Variants in HEATR3 observed in about 807,000 individuals in gnomAD.
HEATR3 encodes HEAT repeat containing 3, also known as HEAT repeat-containing protein 3.
A neutral mutation model predicts 72.8 loss-of-function variants in HEATR3; 56 were observed. That is an observed-to-expected ratio of 0.77 (90% CI 0.62 to 0.96). HEATR3 has a LOEUF of 0.96. Among genes scored for constraint, HEATR3 ranks in the 40% least tolerant of loss-of-function variants. HEATR3 has a pLI of 0.00. For synonymous variants in HEATR3, 331 were observed against 318.1 expected, an observed-to-expected ratio of 1.04 and a Z score of -0.43; for missense variants, 747 against 831.4, an observed-to-expected ratio of 0.90 and a Z score of 1.25.
intron 11 of HEATR3, among the ~76,000 whole-genome samples, chr16:50,093,769 A>G (rs1222746034): frequency 1.3e-5 from 2 of 152,178 alleles, no homozygotes; most frequent in Non-Finnish European, 2.9e-5. Flanking sequence ...CATGTGACGC[A>G]GGCTTCCTCA....
At chr16:50,083,875 TC>T in intron 7 of HEATR3, 61 bp from the exon 8 acceptor site, 2 of 1,472,730 alleles carry the variant, frequency 1.4e-6, no homozygotes, top group South Asian at 2.4e-5. Flanking sequence ...CTAAGGAAAT[TC>T]CCCAAAAACA....
At chr16:50,086,875 T>C (rs1240421932) in intron 11 of HEATR3, among the ~76,000 whole-genome samples, 1 of 152,100 alleles carries the variant, frequency 6.6e-6, no homozygotes, top group Non-Finnish European at 1.5e-5. Flanking sequence ...ATTGCAGTGA[T>C]CTGAGGTTGT....
intron 12 of HEATR3, among the ~76,000 whole-genome samples, chr16:50,098,592 C>T (rs1225517579): frequency 6.6e-6 from 1 of 151,882 alleles, no homozygotes; most frequent in East Asian, 1.9e-4. Context: ...GGAGGCGGAG[C>T]TTGCAGTGAG....
Position 50,100,240 on chromosome 16 carries a change from C to T in HEATR3, c.1610C>T (p.Pro537Leu). 1.9e-6 allele frequency: 3 copies of T among 1,613,750 alleles called. No homozygotes were observed. Among genetic ancestry groups the T allele is most frequent in the Non-Finnish European group, 2.5e-6 (3 of 1,179,856 alleles). ...ASKNISQCMT[P>L]DQLMTLCKAG... is the part of the protein sequence containing the mutation. ...CTTCTCTTTTAACAGTGCATGACTCCTGATCAGCTGATGACATTATGCAAA... is the reference window on the plus strand; with the variant it reads ...CTTCTCTTTTAACAGTGCATGACTCTTGATCAGCTGATGACATTATGCAAA... The change falls in exon 13 of 15, where the codon CCT becomes CTT. Residue 537 changes from proline (P) to leucine (L), a missense_variant. Physicochemically the swap from Pro to Leu is moderately conservative, Grantham distance 98 (BLOSUM62 -3). Coordinates refer to ENST00000299192, the MANE Select transcript of HEATR3 (RefSeq NM_182922.4).
At chr16:50,091,306 A>C (rs1240391340) in intron 11 of HEATR3, among the ~76,000 whole-genome samples, 1 of 151,676 alleles carries the variant, frequency 6.6e-6, no homozygotes, top group South Asian at 2.1e-4. Flanking sequence ...ATATCTACTA[A>C]AAATACAAAA....
At chr16:50,066,612 G>A in intron 2 of HEATR3, 73 bp downstream of exon 2, 1 of 1,222,572 alleles carries the variant, frequency 8.2e-7, no homozygotes, top group Non-Finnish European at 1.0e-6. Context: ...CGGTCGCAGC[G>A]GTCACCCAGC....
Position 50,105,041 on chromosome 16 carries a change from G to C in HEATR3, c.2023G>C (p.Glu675Gln). 1 of 1,611,858 alleles carries C rather than the reference G, an allele frequency of 6.2e-7. No homozygotes were observed. Among genetic ancestry groups the C allele is most frequent in the Non-Finnish European group, 8.5e-7 (1 of 1,179,504 alleles). ...RRFIAYQETVEKRLTS is the reference protein window; with the variant it reads ...RRFIAYQETVQKRLTS The stretch of plus-strand genomic sequence containing the variant: ...ATTTATTGCTTATCAAGAAACTGTT[G>C]AGAAAAGACTGACTTCTTAAACAAT... The change falls in exon 15 of 15, where the codon GAG becomes CAG. Residue 675 changes from glutamate to glutamine, a missense_variant. Physicochemically the swap from Glu to Gln is conservative, Grantham distance 29. Transcript: ENST00000299192.
At chr16:50,085,798 G>C (rs1002409746) in intron 10 of HEATR3, among the ~76,000 whole-genome samples, 14 of 152,112 alleles carry the variant, frequency 9.2e-5, no homozygotes, top group Admixed American at 5.9e-4. Flanking sequence ...GGAAGGTACA[G>C]GCAGGAGGAT....
chr16:50,077,325 T>G (rs2036757965), intron 6 of HEATR3, among the ~76,000 whole-genome samples: 1 of 52,888 alleles, frequency 1.9e-5, no homozygotes, highest in African/African-American at 5.6e-5. Context: ...TAATTTTTTG[T>G]ATTTTTTTTT....
At chr16:50,074,644 GAT>G (rs2036682996) in intron 5 of HEATR3, 2 of 151,476 alleles carry the variant, frequency 1.3e-5, no homozygotes, top group African/African-American at 4.8e-5. Flanking sequence ...CCGGCCTGAG[GAT>G]AAACTTTTAT....
At chr16:50,092,258 A>G (rs192773184) in intron 11 of HEATR3, among the ~76,000 whole-genome samples, 10 of 151,810 alleles carry the variant, frequency 6.6e-5, no homozygotes, top group African/African-American at 2.4e-4. Flanking sequence ...TGATTGCTTG[A>G]GCCCGGGAGG....
rs912885247 is a variant in HEATR3, at chr16:50,066,406, G to C, written c.178G>C (p.Ala60Pro). 6.5e-7 allele frequency: 1 copy of C among 1,542,872 alleles called. No homozygotes were observed. The highest frequency in any genetic ancestry group is 8.6e-7 in the Non-Finnish European group (1 of 1,156,326). ...PSAEVRECAC[A>P]GLARLVQQRP... ...CGCCGAGGTCCGCGAGTGCGCCTGC[G>C]CAGGGCTGGCCCGGCTGGTGCAGCA... The change falls in exon 2 of 15, where the codon GCA (alanine) becomes CCA (proline). Residue 60 changes from alanine (A) to proline (P), a missense_variant. By Grantham distance (27) the Ala-to-Pro change is conservative (BLOSUM62 -1). Coordinates refer to ENST00000299192, the MANE Select transcript of HEATR3 (RefSeq NM_182922.4).
At chr16:50,096,484 C>T (rs2037240731) in intron 12 of HEATR3, among the ~76,000 whole-genome samples, 1 of 151,884 alleles carries the variant, frequency 6.6e-6, no homozygotes, top group Non-Finnish European at 1.5e-5. Context: ...ATTCACATAC[C>T]ATGCAGTTTA....
Position 50,086,307 on chromosome 16 carries a change from A to G in HEATR3, c.1466A>G (p.Gln489Arg). The stretch of plus-strand genomic sequence containing the variant: ...CACCTGGGAGGAGCCGCAGCCCTTC[A>G]GACGCTTGCACAGCATCTGTCACAG... The part of the protein sequence containing the change: ...VEHLGGAAAL[Q>R]TLAQHLSQLL... Residue 489 changes from glutamine to arginine, a missense_variant, in exon 11 of 15, where the codon CAG (glutamine) becomes CGG (arginine). Gln to Arg is a conservative substitution (Grantham distance 43). This residue lies in a region of HEATR3 where 586 missense variants were observed against 708.8 expected (regional missense o/e 0.83). Transcript: ENST00000299192. 1 of 1,594,798 alleles carries G rather than the reference A, an allele frequency of 6.3e-7. No homozygotes were observed. Among genetic ancestry groups the G allele is most frequent in the South Asian group, 1.1e-5 (1 of 88,512 alleles).
intron 6 of HEATR3, 83 bp from the exon 7 acceptor site, chr16:50,078,658 T>TA (rs2036793347): frequency 7.2e-7 from 1 of 1,398,146 alleles, no homozygotes; most frequent in African/African-American, 1.4e-5. Context: ...ACACTGGCCT[T>TA]AAAAGCTCCA....
In HEATR3 at chr16:50,086,365, A is replaced by T. The variant is rs746147214; in HGVS notation, c.1510+14A>T. 4 of 1,601,858 alleles carry T rather than the reference A, an allele frequency of 2.5e-6. No individual in the cohort carries two copies. In the African/African-American group the frequency reaches 5.4e-5, roughly 22 times the overall value. ...TTTCTCAACCAGGTATTTAGACTTT[A>T]TTGCGAAAGACTACGCAGACGGAAC... is the stretch of plus-strand genomic sequence containing the variant. On this transcript the variant is annotated intron_variant, in intron 11 of 14. Coordinates refer to ENST00000299192, the MANE Select transcript of HEATR3 (RefSeq NM_182922.4).
chr16:50,090,152 T>C (rs1275232128), intron 11 of HEATR3, among the ~76,000 whole-genome samples: 2 of 152,088 alleles, frequency 1.3e-5, no homozygotes, highest in African/African-American at 2.4e-5. Flanking sequence ...CCCAAGAGTT[T>C]AAGACCAGCC....
chr16:50,077,075 T>C (rs1032157022), intron 6 of HEATR3, among the ~76,000 whole-genome samples: 17 of 151,960 alleles, frequency 1.1e-4, no homozygotes, highest in South Asian at 2.1e-4. Context: ...GGGGTTTCAC[T>C]GTGTTAGCCA....
rs1023058261 is a variant in HEATR3 at position 50,069,318 on chromosome 16, G to C, written c.399+451G>C. 8.7e-5 allele frequency: 14 copies of C among 161,830 alleles called. No homozygotes were observed. In the South Asian group the frequency reaches 2.2e-3, roughly 26 times the overall value. The allele number at this position is 161,830 out of a possible 1,614,324, so 10.0% of individuals were successfully genotyped here. A position where few individuals can be genotyped will look rare whatever the true frequency, so the allele number is the denominator to read the frequency against. ...AGTTCTCATGTTTGATCTCATTCCA[G>C]TCTTATTGCATGACATAGTCAAGAG... On this transcript the variant is annotated intron_variant, in intron 3 of 14. Coordinates refer to ENST00000299192, the MANE Select transcript of HEATR3 (RefSeq NM_182922.4).
Sources: allele counts gnomAD v4.1 joint callset (sites outside exome capture counted in the v4.1 genomes callset), GRCh38; gene constraint gnomAD v4.1.1; regional missense constraint gnomAD v4.1.1; transcripts MANE v1.5; gene names NCBI Gene and HGNC (gene_info 2026-07-23, HGNC 2026-07-21).